ATP8A2: variants seen among roughly 807,000 people sequenced by gnomAD.
The protein encoded by ATP8A2 is phospholipid-transporting ATPase IB.
Under a neutral mutation model 165.6 loss-of-function variants are expected in ATP8A2, and 100 were observed. The observed-to-expected ratio is 0.60, with a 90% CI of 0.51 to 0.71. The LOEUF is 0.71. Among genes scored for constraint, ATP8A2 ranks in the 30% least tolerant of loss-of-function variants. The probability of loss-of-function intolerance (pLI) is 0.00; values close to 1 mark genes in which losing one functional copy is unlikely to be tolerated. For missense variants in ATP8A2, 1,227 were observed against 1,479.5 expected, an observed-to-expected ratio of 0.83 and a Z score of 2.80; for synonymous variants, 543 against 548.8, an observed-to-expected ratio of 0.99 and a Z score of 0.15.
intron 36 of ATP8A2, among the ~76,000 whole-genome samples, chr13:26,017,976 T>G (rs529791216): frequency 9.2e-5 from 14 of 152,344 alleles, no homozygotes; most frequent in Non-Finnish European, 1.8e-4. Context: ...AAAAGCCCCC[T>G]GTGGAAGATT....
At chr13:25,660,310 A>G (rs2042021766) in intron 24 of ATP8A2, among the ~76,000 whole-genome samples, 1 of 152,200 alleles carries the variant, frequency 6.6e-6, no homozygotes, top group Admixed American at 6.5e-5. Flanking sequence ...CCAAAGTCCA[A>G]TGGTATATTC....
At chr13:25,479,434 T>C (rs1185548106) in intron 2 of ATP8A2, among the ~76,000 whole-genome samples, 1 of 152,224 alleles carries the variant, frequency 6.6e-6, no homozygotes, top group Non-Finnish European at 1.5e-5. Flanking sequence ...TATTTTCTTG[T>C]AATTGCATTA....
At chr13:25,602,145 G>T (rs2040404073) in intron 24 of ATP8A2, among the ~76,000 whole-genome samples, 1 of 152,066 alleles carries the variant, frequency 6.6e-6, no homozygotes, top group African/African-American at 2.4e-5. Context: ...AATGTTGCTT[G>T]AACAATTTTT....
intron 1 of ATP8A2, among the ~76,000 whole-genome samples, chr13:25,452,404 G>GA (rs770053039): frequency 6.6e-6 from 1 of 152,080 alleles, no homozygotes; most frequent in Admixed American, 6.5e-5. Flanking sequence ...TTTCTATTTA[G>GA]ATGCTTTCCT....
At position 25,414,618 on chromosome 13, in the gene ATP8A2, C is replaced by A. The variant is rs540065827; in HGVS notation, c.76+42330C>A. Among the ~76,000 whole-genome samples, 57 of 152,294 alleles carry A rather than the reference C, an allele frequency of 3.7e-4. No individual in the cohort carries two copies. In the South Asian group the frequency reaches 0.011, roughly 30 times the overall value. Reference sequence around the variant, plus strand: ...AGTCTGGAACGTCATACTAACCAGTCCCTGGATGTACTTTACGTGTATGTC... The same window carrying A: ...AGTCTGGAACGTCATACTAACCAGTACCTGGATGTACTTTACGTGTATGTC... On this transcript the variant is annotated intron_variant, in intron 1 of 36. Transcript: ENST00000381655.
At chr13:25,779,541 G>A (rs1231929016) in intron 27 of ATP8A2, among the ~76,000 whole-genome samples, 4 of 152,250 alleles carry the variant, frequency 2.6e-5, no homozygotes, top group Admixed American at 1.3e-4. Context: ...TGGCTCAGTC[G>A]GAGTAGTATT....
Position 25,564,036 on chromosome 13 carries a change from G to C in ATP8A2, c.1473+5G>C. The C allele has an allele frequency of 6.2e-7, 1 of 1,606,928 alleles. No individual in the cohort carries two copies. Among genetic ancestry groups the C allele is most frequent in the Non-Finnish European group, 8.5e-7 (1 of 1,173,466 alleles). Reference sequence around the variant, plus strand: ...AAGAACATTGAGGATCGCCATGTAAGTGCTCTGTTTTACTTCGAAGACAGC... The same window carrying C: ...AAGAACATTGAGGATCGCCATGTAACTGCTCTGTTTTACTTCGAAGACAGC... On this transcript the variant is annotated splice_donor_5th_base_variant and intron_variant, in intron 16 of 36. Coordinates refer to ENST00000381655, the MANE Select transcript of ATP8A2 (RefSeq NM_016529.6).
At chr13:25,527,564 C>G (rs2037880605) in intron 2 of ATP8A2, among the ~76,000 whole-genome samples, 1 of 152,116 alleles carries the variant, frequency 6.6e-6, no homozygotes, top group African/African-American at 2.4e-5. Context: ...ACACAATAAC[C>G]TTTTCCTGGA....
At chr13:25,892,806 G>GTTT (rs35638068) in intron 33 of ATP8A2, among the ~76,000 whole-genome samples, 7 of 142,288 alleles carry the variant, frequency 4.9e-5, no homozygotes, top group African/African-American at 1.8e-4. Context: ...TTTTTAGTCT[G>GTTT]TTTTTTTTTT....
chr13:25,929,097 C>T (rs1383682779), intron 33 of ATP8A2, among the ~76,000 whole-genome samples: 1 of 152,158 alleles, frequency 6.6e-6, no homozygotes, highest in Admixed American at 6.5e-5. Context: ...ACTCACAAGC[C>T]GCTAACAACC....
intron 35 of ATP8A2, among the ~76,000 whole-genome samples, chr13:26,010,070 C>T (rs1305814087): frequency 6.6e-6 from 1 of 151,888 alleles, no homozygotes; most frequent in East Asian, 1.9e-4. Context: ...GTCTCAAAAA[C>T]AAAAAGAAAA....
intron 5 of ATP8A2, among the ~76,000 whole-genome samples, chr13:25,532,979 T>A (rs926285829): frequency 7.2e-5 from 11 of 152,324 alleles, no homozygotes; most frequent in South Asian, 2.1e-4. Context: ...CAGTTTTTTT[T>A]AAATTGTGGA....
chr13:26,008,746 T>G (rs1956789868), intron 35 of ATP8A2, among the ~76,000 whole-genome samples: 1 of 152,166 alleles, frequency 6.6e-6, no homozygotes, highest in African/African-American at 2.4e-5. Flanking sequence ...AATGGCAAAC[T>G]GAGTAGCCTT....
chr13:25,516,604 G>A (rs2037479579), intron 2 of ATP8A2, among the ~76,000 whole-genome samples: 1 of 152,116 alleles, frequency 6.6e-6, no homozygotes, highest in Non-Finnish European at 1.5e-5. Flanking sequence ...TGTACTTGTT[G>A]AGGCCAGATA....
intron 10 of ATP8A2, among the ~76,000 whole-genome samples, chr13:25,546,022 G>T (rs574901567): frequency 2.0e-5 from 3 of 152,136 alleles, no homozygotes; most frequent in Admixed American, 1.3e-4. Flanking sequence ...TTTTAAGATT[G>T]TGCATATTAT....
At position 25,774,866 on chromosome 13, in the gene ATP8A2, G is replaced by T. The variant is rs772849148; in HGVS notation, c.2586G>T (p.Lys862Asn). 19 of 1,611,894 alleles carry T rather than the reference G, an allele frequency of 1.2e-5. No homozygotes were observed. The highest frequency in any genetic ancestry group is 1.5e-5 in the Non-Finnish European group (18 of 1,178,384). The stretch of plus-strand genomic sequence containing the variant: ...TTTTTCAGTTTTCCTACTTAGAGAA[G>T]CTTCTGTTGGTTCATGGAGCCTGGA... ...YAIAQFSYLE[K>N]LLLVHGAWSY... is the part of the protein sequence containing the mutation. The change falls in exon 27 of 37, where the codon AAG becomes AAT. Residue 862 changes from lysine to asparagine, a missense_variant. Lys to Asn is a moderately conservative substitution (Grantham distance 94). Transcript: ENST00000381655.
intron 27 of ATP8A2, among the ~76,000 whole-genome samples, chr13:25,792,132 A>G (rs910095977): frequency 6.6e-6 from 1 of 152,210 alleles, no homozygotes; most frequent in Non-Finnish European, 1.5e-5. Flanking sequence ...TAAGTTAACC[A>G]TCTCCCTTGA....
intron 1 of ATP8A2, among the ~76,000 whole-genome samples, chr13:25,463,405 C>T (rs1482526041): frequency 6.6e-6 from 1 of 151,798 alleles, no homozygotes; most frequent in South Asian, 2.1e-4. Flanking sequence ...TAAAAGTTAT[C>T]ATAAATAAAC....
chr13:25,566,235 G>A (rs867454259), intron 16 of ATP8A2, among the ~76,000 whole-genome samples: 1 of 152,078 alleles, frequency 6.6e-6, no homozygotes, highest in South Asian at 2.1e-4. Flanking sequence ...GCCCACAGAG[G>A]ATGCTGCTGG....
Sources: gnomAD v4.1 joint callset for allele counts (sites outside exome capture counted in the v4.1 genomes callset) on GRCh38, gnomAD v4.1.1 for gene constraint, MANE v1.5 for transcripts, NCBI Gene and HGNC (gene_info 2026-07-23, HGNC 2026-07-21) for gene names.